Variants in WWC2 observed in about 807,000 individuals in gnomAD.
WWC2 encodes the protein protein WWC2.
In WWC2, 101 loss-of-function variants were observed where a neutral mutation model predicts 138.5. The observed-to-expected ratio is 0.73, with a 90% CI of 0.62 to 0.86. The LOEUF is 0.86. Ranked by LOEUF, WWC2 falls within the 40% of genes least tolerant of loss-of-function variation. The pLI is 0.00. For missense variants in WWC2, 1,420 were observed against 1,419.4 expected (o/e 1.00, Z -0.01); for synonymous variants, 558 against 538.4 (o/e 1.04, Z -0.50).
intron 4 of WWC2, among the ~76,000 whole-genome samples, chr4:183,217,510 G>C (rs1425562306): frequency 2.0e-5 from 3 of 151,672 alleles, no homozygotes; most frequent in Non-Finnish European, 4.4e-5. Flanking sequence ...TTAATTAGCA[G>C]ACAAACATGT....
At chr4:183,128,336 C>T (rs373505751) in intron 1 of WWC2, among the ~76,000 whole-genome samples, 1 of 150,228 alleles carries the variant, frequency 6.7e-6, no homozygotes, top group East Asian at 2.0e-4. Flanking sequence ...GAGACTGTCT[C>T]AAAGAAAAAA....
In WWC2 at chr4:183,102,454, A is replaced by G. The variant is rs371537845; in HGVS notation, c.131+2832A>G. Among the ~76,000 whole-genome samples, 6 of 152,338 alleles carry G rather than the reference A, an allele frequency of 3.9e-5. No homozygotes were observed. In the East Asian group the frequency reaches 5.8e-4, roughly 15 times the overall value. On this transcript the variant is annotated intron_variant, in intron 1 of 22. Transcript: ENST00000403733. Reference sequence around the variant, plus strand: ...CTCCCGTTGGTCCTGTGAGGTAGGTACTACTGTCATCTTCCAGTTACAGAT... The same window carrying G: ...CTCCCGTTGGTCCTGTGAGGTAGGTGCTACTGTCATCTTCCAGTTACAGAT...
Position 183,290,117 on chromosome 4 carries a change from C to T in WWC2, c.3384+482C>T, listed in dbSNP as rs56138261. 2.1e-3 allele frequency among the ~76,000 whole-genome samples: 323 copies of T among 152,242 alleles called. 1 individual carries two copies. Among genetic ancestry groups the T allele is most frequent in the Non-Finnish European group, 3.6e-3 (244 of 68,020 alleles). ...TTTAATGCTACTAAATTTTCACTTTCATTCTTATCTTAAAGAAAAATTACA... is the reference window on the plus strand; with the variant it reads ...TTTAATGCTACTAAATTTTCACTTTTATTCTTATCTTAAAGAAAAATTACA... On this transcript the variant is annotated intron_variant, in intron 21 of 22. Transcript: ENST00000403733.
rs548414330 is a variant in WWC2 at position 183,247,595 on chromosome 4, G to A, written c.733-1119G>A. 9.9e-3 allele frequency among the ~76,000 whole-genome samples: 1,065 copies of A among 107,172 alleles called. 32 individuals carry two copies. The highest frequency in any genetic ancestry group is 0.042 in the African/African-American group (1,027 of 24,490). The allele number at this position is 107,172 out of a possible 152,430, so 70.3% of individuals were successfully genotyped here. A position where few individuals can be genotyped will look rare whatever the true frequency, so the allele number is the denominator to read the frequency against. Reference sequence around the variant, plus strand: ...TCTATATACTATATACTATATATATGCTATATATGCTATATATACTATATA... The same window carrying A: ...TCTATATACTATATACTATATATATACTATATATGCTATATATACTATATA... On this transcript the variant is annotated intron_variant, in intron 6 of 22. Transcript: ENST00000403733.
At chr4:183,103,606 G>C (rs1229183796) in intron 1 of WWC2, among the ~76,000 whole-genome samples, 2 of 150,844 alleles carry the variant, frequency 1.3e-5, no homozygotes, top group Non-Finnish European at 3.0e-5. Context: ...GGGATTACAG[G>C]CATGAACCAC....
In WWC2 at chr4:183,113,515, T is replaced by TGCGC. The variant is rs1554064965; in HGVS notation, c.131+13899_131+13902dup. Among the ~76,000 whole-genome samples, 496 of 126,718 alleles carry TGCGC rather than the reference T, an allele frequency of 3.9e-3. 1 individual carries two copies. Among genetic ancestry groups the TGCGC allele is most frequent in the South Asian group, 0.013 (53 of 4,064 alleles). The allele number at this position is 126,718 out of a possible 152,430, so 83.1% of individuals were successfully genotyped here. ...GTGTGTGTGTGTGTGTGTGTGTGTG[T>TGCGC]GCGCGCGCGTGCGCGCGCACATGCA... On this transcript the variant is annotated intron_variant, in intron 1 of 22. Transcript: ENST00000403733.
rs192147783 is a variant in WWC2 at position 183,315,825 on chromosome 4, T to C, written c.*96T>C. The C allele has an allele frequency of 7.4e-6, 7 of 949,314 alleles. No homozygotes were observed. In the East Asian group the frequency reaches 1.3e-4, roughly 18 times the overall value. The allele number at this position is 949,314 out of a possible 1,614,324, so 58.8% of individuals were successfully genotyped here. On this transcript the variant is annotated 3_prime_UTR_variant, in exon 23 of 23. Coordinates refer to ENST00000403733, the MANE Select transcript of WWC2 (RefSeq NM_024949.6). ...GTTTTTGTTTTGGTGTTTGGTTTTT[T>C]TTGGTAACGTAACTGTCAACTCTTG...
intron 4 of WWC2, among the ~76,000 whole-genome samples, chr4:183,236,998 G>A (rs1282340793): frequency 2.0e-5 from 3 of 152,118 alleles, no homozygotes; most frequent in Admixed American, 1.3e-4. Context: ...AAGAAGAATT[G>A]TCTTGGACCA....
intron 1 of WWC2, among the ~76,000 whole-genome samples, chr4:183,116,170 G>T (rs1019012651): frequency 3.3e-5 from 5 of 152,002 alleles, no homozygotes; most frequent in Non-Finnish European, 5.9e-5. Flanking sequence ...TTTATTTCTG[G>T]TTTTTCTAAC....
At chr4:183,153,497 C>G (rs186543985) in intron 1 of WWC2, among the ~76,000 whole-genome samples, 1 of 151,984 alleles carries the variant, frequency 6.6e-6, no homozygotes, top group Non-Finnish European at 1.5e-5. Context: ...ATAATTCATA[C>G]GTGTAACTAA....
rs1435360575 is a variant in WWC2, at chr4:183,319,063, CAGA to C, written c.*3337_*3339del. The C allele has an allele frequency of 6.5e-6, 1 of 153,594 alleles. No homozygotes were observed. The highest frequency in any genetic ancestry group is 6.4e-5 in the Admixed American group (1 of 15,538). The allele number at this position is 153,594 out of a possible 1,614,324, so 9.5% of individuals were successfully genotyped here. A position where few individuals can be genotyped will look rare whatever the true frequency, so the allele number is the denominator to read the frequency against. ...CATAGAGACACTGAGGTCTCTGATT[CAGA>C]AGGAGATGATGTGTCTACACCTTTC... On this transcript the variant is annotated 3_prime_UTR_variant, in exon 23 of 23. Coordinates refer to ENST00000403733, the MANE Select transcript of WWC2 (RefSeq NM_024949.6).
chr4:183,214,961 G>T (rs1430334459), intron 4 of WWC2, among the ~76,000 whole-genome samples: 1 of 152,154 alleles, frequency 6.6e-6, no homozygotes, highest in Non-Finnish European at 1.5e-5. Context: ...ATGCTAACTT[G>T]TAACACCAAA....
chr4:183,221,644 A>G (rs1290930710), intron 4 of WWC2, among the ~76,000 whole-genome samples: 1 of 152,224 alleles, frequency 6.6e-6, no homozygotes, highest in African/African-American at 2.4e-5. Flanking sequence ...ATACTTCTCA[A>G]TAATTCATTG....
chr4:183,125,404 A>G lies in WWC2; in HGVS notation c.131+25782A>G, dbSNP rs541000069. ...TAATACTTTAAGTAAATTCTTTATC[A>G]TTTACAAAAATGAATGTTAAAAAGT... On this transcript the variant is annotated intron_variant, in intron 1 of 22. Transcript: ENST00000403733. 1.1e-4 allele frequency among the ~76,000 whole-genome samples: 16 copies of G among 152,310 alleles called. 1 individual carries two copies. Among genetic ancestry groups the G allele is most frequent in the Middle Eastern group, 3.4e-3 (1 of 294 alleles).
At position 183,261,237 on chromosome 4, in the gene WWC2, G is replaced by A. The variant is rs1737318950; in HGVS notation, c.1614G>A (p.Glu538=). ...CAGGCCACACTCCTCCACTGGCTGA[G>A]GCCCCGAAGTCTGTGGCCTCCCTGT... ...AATGHTPPLA[E]APKSVASLSS... Residue 538 remains glutamate (E), a synonymous_variant, in exon 11 of 23, where the codon GAG becomes GAA. Transcript: ENST00000403733. 2 of 1,612,840 alleles carry A rather than the reference G, an allele frequency of 1.2e-6. No homozygotes were observed. The highest frequency in any genetic ancestry group is 2.2e-5 in the South Asian group (2 of 90,806).
chr4:183,114,874 T>C (rs886952841), intron 1 of WWC2, among the ~76,000 whole-genome samples: 2 of 152,122 alleles, frequency 1.3e-5, no homozygotes, highest in Non-Finnish European at 2.9e-5. Context: ...TAGGCTAGAG[T>C]GCAGTGGCAA....
At chr4:183,129,046 G>GT (rs1732844698) in intron 1 of WWC2, among the ~76,000 whole-genome samples, 1 of 152,200 alleles carries the variant, frequency 6.6e-6, no homozygotes, top group South Asian at 2.1e-4. Context: ...TAAGCAAAGA[G>GT]TGTGACCTGA....
At chr4:183,288,962 A>G (rs1187032633) in intron 20 of WWC2, among the ~76,000 whole-genome samples, 2 of 152,382 alleles carry the variant, frequency 1.3e-5, no homozygotes, top group Non-Finnish European at 2.9e-5. Flanking sequence ...GCTTCATGCA[A>G]TCAGTTGGTC....
chr4:183,222,358 A>G (rs1426155517), intron 4 of WWC2, among the ~76,000 whole-genome samples: 2 of 151,950 alleles, frequency 1.3e-5, no homozygotes, highest in Non-Finnish European at 2.9e-5. Context: ...TATATATGTA[A>G]AATCTTTTAA....
Sources: allele counts gnomAD v4.1 joint callset (sites outside exome capture counted in the v4.1 genomes callset), GRCh38; gene constraint gnomAD v4.1.1; transcripts MANE v1.5; gene names NCBI Gene and HGNC (gene_info 2026-07-23, HGNC 2026-07-21).